The following MYO5A variants were observed in gnomAD, a reference collection of about 807,000 sequenced individuals.
The protein encoded by MYO5A is myosin VA.
A neutral mutation model predicts 249.7 loss-of-function variants in MYO5A; 98 were observed. That is an observed-to-expected ratio of 0.39 (90% CI 0.33 to 0.46). MYO5A has a LOEUF of 0.46. Among genes scored for constraint, MYO5A ranks in the 20% least tolerant of loss-of-function variants. MYO5A has a pLI of 0.98. For synonymous variants in MYO5A, 778 were observed against 810.6 expected (o/e 0.96, Z 0.68); for missense variants, 1,696 against 2,308.8 (o/e 0.73, Z 5.44).
intron 31 of MYO5A, 67 bp from the exon 32 acceptor site, chr15:52,340,461 G>T: frequency 1.4e-6 from 2 of 1,393,658 alleles, no homozygotes; most frequent in Non-Finnish European, 2.0e-6. Context: ...CGGGTGTAAG[G>T]CATCGTGTTC....
At chr15:52,397,550 A>T in intron 9 of MYO5A, 84 bp from the exon 10 acceptor site, 1 of 1,497,420 alleles carries the variant, frequency 6.7e-7, no homozygotes, top group Non-Finnish European at 9.3e-7. Flanking sequence ...GAGTTAACAA[A>T]TAAAATTCAG....
intron 28 of MYO5A, among the ~76,000 whole-genome samples, 168 bp from the exon 29 acceptor site, chr15:52,348,994 G>A (rs1441758944): frequency 6.6e-6 from 1 of 151,988 alleles, no homozygotes; most frequent in East Asian, 1.9e-4. Context: ...AACATTCCTG[G>A]AACTGTCATA....
At chr15:52,430,956 G>T (rs1279853563) in intron 2 of MYO5A, among the ~76,000 whole-genome samples, 1 of 151,944 alleles carries the variant, frequency 6.6e-6, no homozygotes, top group Non-Finnish European at 1.5e-5. Context: ...TCAAGGCTGG[G>T]TGCAGTGGCT....
At chr15:52,366,684 A>G (rs1451868583) in intron 23 of MYO5A, among the ~76,000 whole-genome samples, 1 of 151,450 alleles carries the variant, frequency 6.6e-6, no homozygotes, top group Non-Finnish European at 1.5e-5. Context: ...ATATACACAT[A>G]TCAGCTCAAA....
At position 52,319,081 on chromosome 15, in the gene MYO5A, C is replaced by T; in HGVS notation, c.5213G>A (p.Trp1738Ter). 1 of 1,614,196 alleles carries T rather than the reference C, an allele frequency of 6.2e-7. No homozygotes were observed. The highest frequency in any genetic ancestry group is 8.5e-7 in the Non-Finnish European group (1 of 1,180,038). Residue 1738 changes from tryptophan to a stop codon, truncating the protein, a stop_gained, in exon 39 of 42, where the codon TGG becomes TAG. Transcript: ENST00000399233. LOFTEE classifies it high-confidence loss of function. ...NLLLRKDMCS[W>*]SKGMQIRYNV... The stretch of plus-strand genomic sequence containing the variant: ...TCACCTGATCTGCATGCCTTTACTC[C>T]AGGAGCACATGTCCTTCCGCAGGAG...
At chr15:52,440,685 TG>T (rs2075768578) in intron 1 of MYO5A, among the ~76,000 whole-genome samples, 1 of 152,218 alleles carries the variant, frequency 6.6e-6, no homozygotes, top group South Asian at 2.1e-4. Context: ...CAAGGAACAC[TG>T]AGGGTGTGGG....
At position 52,528,391 on chromosome 15, in the gene MYO5A, A is replaced by G. The variant is rs60973956; in HGVS notation, c.27+389T>C. Among the ~76,000 whole-genome samples the G allele has an allele frequency of 7.2e-4, 110 of 152,320 alleles. 2 individuals are homozygous for G. In the East Asian group the frequency reaches 0.02, roughly 28 times the overall value. On this transcript the variant is annotated intron_variant, in intron 1 of 41. Coordinates refer to ENST00000399233, the MANE Select transcript of MYO5A (RefSeq NM_001382347.1). ...TATTTTAAGCGCGTGTCCCCACGAGAGAACCCATCCGATCTACTGGAGCAA... is the reference window on the plus strand; with the variant it reads ...TATTTTAAGCGCGTGTCCCCACGAGGGAACCCATCCGATCTACTGGAGCAA...
chr15:52,364,161 C>T (rs2040687327), intron 24 of MYO5A, among the ~76,000 whole-genome samples: 1 of 151,778 alleles, frequency 6.6e-6, no homozygotes, highest in Non-Finnish European at 1.5e-5. Context: ...TCACTTGAAC[C>T]TGGGAGGCGG....
chr15:52,431,274 T>G (rs903692926), intron 2 of MYO5A, among the ~76,000 whole-genome samples: 13 of 133,954 alleles, frequency 9.7e-5, no homozygotes, highest in East Asian at 7.0e-4. Flanking sequence ...ATGCCTTTAA[T>G]CCCAGCACTT....
chr15:52,459,949 C>T (rs1264335535), intron 1 of MYO5A, among the ~76,000 whole-genome samples: 1 of 144,984 alleles, frequency 6.9e-6, no homozygotes, highest in Non-Finnish European at 1.5e-5. Flanking sequence ...CGGTCAGAGA[C>T]GCTCCTCACC....
At position 52,434,068 on chromosome 15, in the gene MYO5A, C is replaced by T. The variant is rs184623271; in HGVS notation, c.28-783G>A. Among the ~76,000 whole-genome samples the T allele has an allele frequency of 4.1e-3, 590 of 144,880 alleles. 2 individuals are homozygous for T. The highest frequency in any genetic ancestry group is 0.014 in the Middle Eastern group (4 of 280). ...AGGCTGGAGTGCAGTGGCACGATTT[C>T]GGCTCACTGCCACCTCTGCCTCCCG... On this transcript the variant is annotated intron_variant, in intron 1 of 41. Coordinates refer to ENST00000399233, the MANE Select transcript of MYO5A (RefSeq NM_001382347.1).
chr15:52,494,536 G>A (rs1009762348), intron 1 of MYO5A, among the ~76,000 whole-genome samples: 68 of 152,018 alleles, frequency 4.5e-4, no homozygotes, highest in African/African-American at 1.6e-3. Flanking sequence ...TCTATCGCCC[G>A]GTCAGGAGTG....
At chr15:52,421,422 T>C (rs112922548) in intron 4 of MYO5A, among the ~76,000 whole-genome samples, 145 of 152,334 alleles carry the variant, frequency 9.5e-4, no homozygotes, top group African/African-American at 3.2e-3. Context: ...ACAGCTTATA[T>C]TGGAATAGAA....
chr15:52,491,612 G>C (rs1307132766), intron 1 of MYO5A, among the ~76,000 whole-genome samples: 2 of 152,206 alleles, frequency 1.3e-5, no homozygotes, highest in Non-Finnish European at 2.9e-5. Context: ...CAGGCTCCAA[G>C]TGTCAGAAGA....
chr15:52,455,783 A>C (rs2076106144), intron 1 of MYO5A, among the ~76,000 whole-genome samples: 1 of 152,028 alleles, frequency 6.6e-6, no homozygotes, highest in Non-Finnish European at 1.5e-5. Context: ...AAAAAAAAAA[A>C]AACCTCAACA....
At chr15:52,348,612 T>C (rs1446388869) in intron 29 of MYO5A, among the ~76,000 whole-genome samples, 1 of 152,180 alleles carries the variant, frequency 6.6e-6, no homozygotes, top group Non-Finnish European at 1.5e-5. Context: ...GTCCCCTCTA[T>C]AATCTAGACT....
chr15:52,492,336 C>G (rs553424772), intron 1 of MYO5A, among the ~76,000 whole-genome samples: 3 of 152,184 alleles, frequency 2.0e-5, no homozygotes, highest in Admixed American at 6.5e-5. Context: ...AAACCAAATA[C>G]AGGTTTCGAA....
In MYO5A at chr15:52,428,534, C is replaced by A; in HGVS notation, c.174G>T (p.Glu58Asp). The change falls in exon 3 of 42, where the codon GAG (glutamate) becomes GAT (aspartate). Residue 58 changes from glutamate (E) to aspartate (D), a missense_variant. Glu to Asp is a conservative substitution (Grantham distance 45, BLOSUM62 2). Coordinates refer to ENST00000399233, the MANE Select transcript of MYO5A (RefSeq NM_001382347.1). ...LEYHLDPKTK[E>D]LPHLRNPDIL... ...TGTCAGGATTTCGTAAGTGAGGCAG[C>A]TCCTTGGTCTTTGGATCTAGATGGT... 1 of 1,614,200 alleles carries A rather than the reference C, an allele frequency of 6.2e-7. No individual in the cohort carries two copies. Among genetic ancestry groups the A allele is most frequent in the Admixed American group, 1.7e-5 (1 of 60,026 alleles).
At chr15:52,334,697 T>C (rs2039035413) in intron 34 of MYO5A, among the ~76,000 whole-genome samples, 1 of 152,230 alleles carries the variant, frequency 6.6e-6, no homozygotes, top group Non-Finnish European at 1.5e-5. Context: ...GATTATGAGA[T>C]AGGTCAGACA....
Sources: allele counts gnomAD v4.1 joint callset (sites outside exome capture counted in the v4.1 genomes callset), GRCh38; gene constraint gnomAD v4.1.1; transcripts MANE v1.5; gene names NCBI Gene and HGNC (gene_info 2026-07-23, HGNC 2026-07-21).